ELMO1: variants seen among roughly 807,000 people sequenced by gnomAD.
ELMO1 encodes the protein engulfment and cell motility protein 1.
In ELMO1, 26 loss-of-function variants were observed where a neutral mutation model predicts 98.9. That is an observed-to-expected ratio of 0.26 (90% CI 0.19 to 0.36). The LOEUF is 0.36. Among genes scored for constraint, ELMO1 ranks in the 10% least tolerant of loss-of-function variants. The probability of loss-of-function intolerance (pLI) is 1.00; values close to 1 mark genes in which losing one functional copy is unlikely to be tolerated. For missense variants in ELMO1, 627 were observed against 935.2 expected (o/e 0.67, Z 4.30); for synonymous variants, 346 against 346.0 (o/e 1.00, Z 0.00).
intron 16 of ELMO1, among the ~76,000 whole-genome samples, chr7:36,916,062 A>G (rs1784667140): frequency 6.6e-6 from 1 of 152,168 alleles, no homozygotes; most frequent in Admixed American, 6.5e-5. Flanking sequence ...CACCTTTAAA[A>G]TGGATACAGC....
intron 15 of ELMO1, among the ~76,000 whole-genome samples, chr7:37,058,078 G>GT (rs1273836701): frequency 3.3e-5 from 5 of 152,218 alleles, no homozygotes; most frequent in Admixed American, 3.3e-4. Flanking sequence ...GTGCACAGAG[G>GT]TAAGTGCATG....
At chr7:37,202,910 C>T (rs1027168652) in intron 13 of ELMO1, among the ~76,000 whole-genome samples, 1 of 152,058 alleles carries the variant, frequency 6.6e-6, no homozygotes, top group Admixed American at 6.6e-5. Context: ...AAGACAAAAC[C>T]GCCCATGGTT....
chr7:36,962,853 A>G (rs1316734216), intron 16 of ELMO1, among the ~76,000 whole-genome samples: 1 of 152,238 alleles, frequency 6.6e-6, no homozygotes, highest in South Asian at 2.1e-4. Context: ...TGAGACATAG[A>G]ATCACAAATC....
At chr7:36,911,439 T>C (rs4723596) in intron 16 of ELMO1, among the ~76,000 whole-genome samples, 20,532 of 152,156 alleles carry the variant, frequency 0.13, 1,672 homozygotes, top group South Asian at 0.24. Flanking sequence ...ATACACTTGG[T>C]AAATAAAAAG....
chr7:37,403,555 T>C (rs1348465376), intron 1 of ELMO1, among the ~76,000 whole-genome samples: 1 of 142,888 alleles, frequency 7.0e-6, no homozygotes, highest in African/African-American at 2.6e-5. Flanking sequence ...TTTATTTATT[T>C]ATCTTTAAGA....
At chr7:37,268,488 A>G (rs1215673111) in intron 5 of ELMO1, among the ~76,000 whole-genome samples, 1 of 152,054 alleles carries the variant, frequency 6.6e-6, no homozygotes, top group Non-Finnish European at 1.5e-5. Context: ...TTTAGTAGTG[A>G]TGGGGTTTTT....
chr7:37,126,685 T>C (rs1023931453), intron 14 of ELMO1, among the ~76,000 whole-genome samples: 2 of 152,182 alleles, frequency 1.3e-5, no homozygotes, highest in African/African-American at 2.4e-5. Flanking sequence ...AAACAAATAC[T>C]GCCTTCACTT....
intron 16 of ELMO1, among the ~76,000 whole-genome samples, chr7:36,963,326 C>T (rs960373462): frequency 1.3e-5 from 2 of 151,776 alleles, no homozygotes; most frequent in African/African-American, 2.4e-5. Flanking sequence ...TGCAGTGAGC[C>T]GAGATTGCGC....
intron 15 of ELMO1, among the ~76,000 whole-genome samples, chr7:37,032,704 G>A (rs1794945887): frequency 6.6e-6 from 1 of 152,214 alleles, no homozygotes; most frequent in African/African-American, 2.4e-5. Flanking sequence ...GCCTCAAGAT[G>A]CTCATGACCT....
At chr7:37,111,438 C>T (rs1366685438) in intron 14 of ELMO1, among the ~76,000 whole-genome samples, 2 of 152,222 alleles carry the variant, frequency 1.3e-5, no homozygotes, top group African/African-American at 4.8e-5. Flanking sequence ...CTGTTGGGAG[C>T]TTGAAATCGG....
chr7:37,356,564 TG>T (rs2131313907), intron 1 of ELMO1, among the ~76,000 whole-genome samples: 1 of 152,106 alleles, frequency 6.6e-6, no homozygotes, highest in South Asian at 2.1e-4. Context: ...AAGTGGGAGT[TG>T]AACAATGAGA....
intron 13 of ELMO1, among the ~76,000 whole-genome samples, chr7:37,146,865 A>G (rs1420872495): frequency 6.6e-6 from 1 of 152,142 alleles, no homozygotes; most frequent in East Asian, 1.9e-4. Flanking sequence ...CAAAATTCCA[A>G]TTATCTTCCC....
intron 15 of ELMO1, among the ~76,000 whole-genome samples, chr7:37,027,484 G>A (rs548930069): frequency 2.0e-5 from 3 of 152,206 alleles, no homozygotes; most frequent in African/African-American, 7.2e-5. Flanking sequence ...TGTTAATCCT[G>A]GACAAAGGCA....
intron 8 of ELMO1, among the ~76,000 whole-genome samples, chr7:37,226,479 A>T (rs1371119241): frequency 6.6e-6 from 1 of 152,156 alleles, no homozygotes; most frequent in Non-Finnish European, 1.5e-5. Flanking sequence ...TCAGGGTTTA[A>T]TACTTAACTT....
chr7:37,255,361 C>T (rs1052002216), intron 6 of ELMO1, among the ~76,000 whole-genome samples: 13 of 152,190 alleles, frequency 8.5e-5, no homozygotes, highest in African/African-American at 3.1e-4. Flanking sequence ...AGAAACCAAC[C>T]CTGCCAACAC....
At chr7:36,967,782 T>C (rs763609671) in intron 16 of ELMO1, among the ~76,000 whole-genome samples, 4 of 152,176 alleles carry the variant, frequency 2.6e-5, no homozygotes, top group African/African-American at 9.6e-5. Flanking sequence ...GAATGCAACC[T>C]AGCTAATATC....
chr7:37,042,095 G>A (rs1259567288), intron 15 of ELMO1, among the ~76,000 whole-genome samples: 2 of 150,144 alleles, frequency 1.3e-5, no homozygotes, highest in Non-Finnish European at 3.0e-5. Flanking sequence ...GACCAACCTG[G>A]GCACATGGAA....
At chr7:37,167,304 T>A (rs1789779881) in intron 13 of ELMO1, among the ~76,000 whole-genome samples, 1 of 152,202 alleles carries the variant, frequency 6.6e-6, no homozygotes. Flanking sequence ...TTTGCCAATC[T>A]GTGTCATTTA....
intron 13 of ELMO1, among the ~76,000 whole-genome samples, chr7:37,157,593 A>C (rs1476418526): frequency 1.3e-5 from 2 of 152,166 alleles, no homozygotes; most frequent in African/African-American, 4.8e-5. Flanking sequence ...TAGGAATCCA[A>C]CTTACAAGGG....
Sources: allele counts gnomAD v4.1 joint callset (sites outside exome capture counted in the v4.1 genomes callset), GRCh38; gene constraint gnomAD v4.1.1; transcripts MANE v1.5; gene names NCBI Gene and HGNC (gene_info 2026-07-23, HGNC 2026-07-21).